Variants in BRD4 observed in about 807,000 individuals in gnomAD.
BRD4 encodes bromodomain-containing protein 4.
Under a neutral mutation model 142.1 loss-of-function variants are expected in BRD4, and 16 were observed. The ratio of observed to expected loss-of-function variants is 0.11; its 90% confidence interval spans 0.08 to 0.17. BRD4 has a LOEUF of 0.17. Ranked by LOEUF, BRD4 falls within the 10% of genes least tolerant of loss-of-function variation. The pLI is 1.00. For synonymous variants in BRD4, 833 were observed against 707.5 expected (o/e 1.18, Z -2.82); for missense variants, 1,424 against 1,810.9 (o/e 0.79, Z 3.88).
chr19:15,238,084 G>A lies in BRD4; in HGVS notation c.*293C>T, dbSNP rs199798128. ...TGGCGGAGAGAAGGGCCTCTGCCCCGCATGTGGGGATGCAGGGCTTGGGTC... is the reference window on the plus strand; with the variant it reads ...TGGCGGAGAGAAGGGCCTCTGCCCCACATGTGGGGATGCAGGGCTTGGGTC... On this transcript the variant is annotated 3_prime_UTR_variant, in exon 20 of 20. Transcript: ENST00000679869. This position sits in a 1 kb window ranked among gnomAD's most constrained non-coding sequence, Gnocchi z 7.2. The A allele has an allele frequency of 1.1e-5, 5 of 456,456 alleles. No individual in the cohort carries two copies. The highest frequency in any genetic ancestry group is 3.9e-5 in the East Asian group (1 of 25,612). The allele number at this position is 456,456 out of a possible 1,614,324, so 28.3% of individuals were successfully genotyped here. A position where few individuals can be genotyped will look rare whatever the true frequency, so the allele number is the denominator to read the frequency against.
intron 11 of BRD4, chr19:15,253,810 A>G: frequency 6.4e-7 from 1 of 1,572,496 alleles, no homozygotes; most frequent in Non-Finnish European, 8.6e-7. Context: ...CAAGGTCAAC[A>G]GCACAGCCTG....
chr19:15,260,195 G>A (rs1295919522), intron 7 of BRD4, among the ~76,000 whole-genome samples: 1 of 152,244 alleles, frequency 6.6e-6, no homozygotes, highest in East Asian at 1.9e-4. Context: ...GTGGAACACA[G>A]GTTTTCTCAA....
At chr19:15,242,514 C>T (rs771777711) in intron 14 of BRD4, among the ~76,000 whole-genome samples, 9 of 152,232 alleles carry the variant, frequency 5.9e-5, no homozygotes, top group Middle Eastern at 3.4e-3. Context: ...GAACTTCATT[C>T]TTCACTCTGC....
intron 7 of BRD4, among the ~76,000 whole-genome samples, chr19:15,259,533 G>T (rs954137232): frequency 6.6e-6 from 1 of 152,238 alleles, no homozygotes; most frequent in African/African-American, 2.4e-5. Flanking sequence ...GCTAAGATGA[G>T]AAACTAACAT....
At chr19:15,266,913 G>C (rs574245198) in intron 4 of BRD4, among the ~76,000 whole-genome samples, 1 of 152,292 alleles carries the variant, frequency 6.6e-6, no homozygotes, top group African/African-American at 2.4e-5. Context: ...GTCAGTTGGG[G>C]GTGGTGACAG....
At chr19:15,252,114 G>A (rs1289483310) in intron 11 of BRD4, among the ~76,000 whole-genome samples, 1 of 152,170 alleles carries the variant, frequency 6.6e-6, no homozygotes, top group Non-Finnish European at 1.5e-5. Flanking sequence ...GGCAGGAGGG[G>A]TGTGGGGCAC....
At chr19:15,265,718 C>T in intron 4 of BRD4, 75 bp from the exon 5 acceptor site, 2 of 1,462,760 alleles carry the variant, frequency 1.4e-6, no homozygotes, top group Admixed American at 1.7e-5. Flanking sequence ...TGGGGACATA[C>T]ACCACACACA....
intron 1 of BRD4, among the ~76,000 whole-genome samples, chr19:15,316,539 T>G (rs770147760): frequency 1.3e-5 from 2 of 151,792 alleles, no homozygotes; most frequent in African/African-American, 2.4e-5. Flanking sequence ...TGCAGTGAGC[T>G]GAGACCACAC....
chr19:15,297,830 G>T (rs971734039), intron 1 of BRD4, among the ~76,000 whole-genome samples: 2 of 152,226 alleles, frequency 1.3e-5, no homozygotes, highest in African/African-American at 4.8e-5. Flanking sequence ...AAATGGTAAT[G>T]GCAGCATATA....
intron 1 of BRD4, among the ~76,000 whole-genome samples, chr19:15,311,680 T>C (rs1488995404): frequency 6.6e-6 from 1 of 150,722 alleles, no homozygotes; most frequent in Non-Finnish European, 1.5e-5. Flanking sequence ...CGGGTGCCTG[T>C]AATCCCAGCT....
At chr19:15,285,329 A>C (rs1441705927) in intron 1 of BRD4, among the ~76,000 whole-genome samples, 4 of 152,230 alleles carry the variant, frequency 2.6e-5, no homozygotes, top group African/African-American at 7.2e-5. Context: ...AAATCTGATT[A>C]AGTTCAGGAG....
At chr19:15,306,239 G>A (rs953371278) in intron 1 of BRD4, among the ~76,000 whole-genome samples, 3 of 152,188 alleles carry the variant, frequency 2.0e-5, no homozygotes, top group Non-Finnish European at 4.4e-5. Flanking sequence ...TCTGGCTTAA[G>A]CAGCCTAGCT....
intron 11 of BRD4, among the ~76,000 whole-genome samples, chr19:15,251,767 C>T (rs1021169850): frequency 2.0e-5 from 3 of 152,336 alleles, no homozygotes; most frequent in African/African-American, 7.2e-5. Context: ...AGAGGAGAAG[C>T]ACCCTGCCGG....
At chr19:15,314,274 G>A (rs148406242) in intron 1 of BRD4, among the ~76,000 whole-genome samples, 1 of 152,306 alleles carries the variant, frequency 6.6e-6, no homozygotes, top group African/African-American at 2.4e-5. Context: ...GTCAGACAAA[G>A]CAAATTCCAA....
intron 11 of BRD4, chr19:15,253,364 C>T: frequency 1.6e-6 from 1 of 608,718 alleles, no homozygotes; most frequent in Non-Finnish European, 2.9e-6. Context: ...GAGCAGTCCC[C>T]TCTCCACTCC....
At chr19:15,249,133 C>A in intron 11 of BRD4, 1 of 1,381,042 alleles carries the variant, frequency 7.2e-7, no homozygotes, top group Non-Finnish European at 1.0e-6. Flanking sequence ...GACTAATCCA[C>A]CCCGGGGGAC....
intron 1 of BRD4, among the ~76,000 whole-genome samples, chr19:15,278,976 G>A (rs1156416978): frequency 6.6e-6 from 1 of 152,158 alleles, no homozygotes; most frequent in African/African-American, 2.4e-5. Context: ...TGAGTAGCTG[G>A]TATTACAAGC....
In BRD4 at chr19:15,276,041, A is replaced by G. The variant is rs2047643090; in HGVS notation, c.-34-2908T>C. Among the ~76,000 whole-genome samples, 3 of 152,204 alleles carry G rather than the reference A, an allele frequency of 2.0e-5. No homozygotes were observed. In the South Asian group the frequency reaches 6.2e-4, roughly 31 times the overall value. The stretch of plus-strand genomic sequence containing the variant: ...AAGAAAGTGATATCCATGGCCCCAC[A>G]AGGGAGATCACCATAAGATACCTGG... On this transcript the variant is annotated intron_variant, in intron 1 of 19. Transcript: ENST00000679869.
Position 15,236,410 on chromosome 19 carries a change from AAGAG to A in BRD4, c.*1963_*1966del, listed in dbSNP as rs1173185524. 1 of 151,852 alleles carries A rather than the reference AAGAG, an allele frequency of 6.6e-6. No homozygotes were observed. 9.4% of individuals were successfully genotyped at this position (151,852 alleles called of 1,614,324 possible). ...TTTTGGGGGATGTAGACTTATATCT[AAGAG>A]TATCTGGTTAACCCTGAGCTTAAAT... On this transcript the variant is annotated 3_prime_UTR_variant, in exon 20 of 20. Transcript: ENST00000679869.
Sources: gnomAD v4.1 joint callset for allele counts (sites outside exome capture counted in the v4.1 genomes callset) on GRCh38, gnomAD v4.1.1 for gene constraint, Gnocchi (gnomAD v3.1) non-coding constraint, MANE v1.5 for transcripts, NCBI Gene and HGNC (gene_info 2026-07-23, HGNC 2026-07-21) for gene names.